Variants in TRIM25 observed in about 807,000 individuals in gnomAD.
TRIM25 encodes the protein tripartite motif containing 25.
In TRIM25, 45 loss-of-function variants were observed where a neutral mutation model predicts 65.2. The ratio of observed to expected loss-of-function variants is 0.69; its 90% confidence interval spans 0.54 to 0.89. The LOEUF is 0.89. TRIM25 is among the 40% of genes least tolerant of loss of function. TRIM25 has a pLI of 0.00. For synonymous variants in TRIM25, 321 were observed against 340.4 expected, an observed-to-expected ratio of 0.94 and a Z score of 0.63; for missense variants, 714 against 803.7, an observed-to-expected ratio of 0.89 and a Z score of 1.35.
rs61731983 is a variant in TRIM25 at position 56,913,436 on chromosome 17, T to C, written c.553A>G (p.Thr185Ala). Residue 185 changes from threonine to alanine, a missense_variant, in exon 1 of 9, where the codon ACC (threonine) becomes GCC (alanine). Coordinates refer to ENST00000316881, the MANE Select transcript of TRIM25 (RefSeq NM_005082.5). This position sits in a 1 kb window ranked among gnomAD's most constrained non-coding sequence, Gnocchi z 6.1. ...TGGCTCAGGGACGCGGGAGAGCAGGTCTTATGCTCCACCAGGCAGATGTGG... is the reference window on the plus strand; with the variant it reads ...TGGCTCAGGGACGCGGGAGAGCAGGCCTTATGCTCCACCAGGCAGATGTGG... Reference protein sequence around the residue: ...ICHICLVEHKTCSPASLSQAS... With the variant: ...ICHICLVEHKACSPASLSQAS... 8,714 of 1,602,176 alleles carry C rather than the reference T, an allele frequency of 5.4e-3. 427 individuals carry two copies. The African/African-American group carries it at 0.1, about 19-fold the overall frequency.
intron 2 of TRIM25, among the ~76,000 whole-genome samples, chr17:56,906,291 G>A (rs1909518357): frequency 6.6e-6 from 1 of 152,208 alleles, no homozygotes; most frequent in Admixed American, 6.5e-5. Flanking sequence ...CTCACCAGAT[G>A]CTGGAAGCAT....
At chr17:56,895,209 G>A (rs1036451585) in intron 8 of TRIM25, 134 bp downstream of exon 8, 1 of 650,648 alleles carries the variant, frequency 1.5e-6, no homozygotes, top group African/African-American at 1.8e-5. Context: ...AGAAAATAAG[G>A]GAGCAACAAA....
In TRIM25 at chr17:56,901,501, T is replaced by C. The variant is rs765847386; in HGVS notation, c.1005A>G (p.Lys335=). 1 of 1,614,156 alleles carries C rather than the reference T, an allele frequency of 6.2e-7. No individual in the cohort carries two copies. Among genetic ancestry groups the C allele is most frequent in the East Asian group, 2.2e-5 (1 of 44,870 alleles). The part of the protein sequence containing the change: ...PEVELNHKLI[K]GIHQSTIDLK... ...GGTCTATGGTGCTCTGGTGGATGCC[T>C]TTTATCAGCTTGTGGTTCAGTTCCA... Residue 335 remains lysine (K), a synonymous_variant, in exon 4 of 9, where the codon AAA becomes AAG. Transcript: ENST00000316881.
Position 56,895,823 on chromosome 17 carries a change from CA to C in TRIM25, c.1180+102del. The C allele has an allele frequency of 2.1e-6, 3 of 1,439,514 alleles. No individual in the cohort carries two copies. The South Asian group carries it at 3.8e-5, about 18-fold the overall frequency. 89.2% of individuals were successfully genotyped at this position (1,439,514 alleles called of 1,614,324 possible). A position where few individuals can be genotyped will look rare whatever the true frequency, so the allele number is the denominator to read the frequency against. On this transcript the variant is annotated intron_variant, in intron 6 of 8. Coordinates refer to ENST00000316881, the MANE Select transcript of TRIM25 (RefSeq NM_005082.5). ...TTACAGAATGGAATCATATAGAACC[CA>C]TCACAGAACCCTGATGAGAGAGGTC...
At chr17:56,910,233 C>T (rs1295901645) in intron 1 of TRIM25, among the ~76,000 whole-genome samples, 1 of 152,192 alleles carries the variant, frequency 6.6e-6, no homozygotes, top group Non-Finnish European at 1.5e-5. Context: ...CCAGACTCTT[C>T]AACTCCACCC....
chr17:56,912,223 G>C (rs1567843505), intron 1 of TRIM25: 1 of 152,206 alleles, frequency 6.6e-6, no homozygotes, highest in East Asian at 1.9e-4. Context: ...TGTAACAAAA[G>C]GTGGTTTGAT....
In TRIM25 at chr17:56,899,190, A is replaced by C. The variant is rs1443488784; in HGVS notation, c.1088-10T>G. On this transcript the variant is annotated splice_polypyrimidine_tract_variant and intron_variant, in intron 4 of 8. Coordinates refer to ENST00000316881, the MANE Select transcript of TRIM25 (RefSeq NM_005082.5). ...TGCTCTCCAGGGTCACCTGTGTCAG[A>C]GAAGAAGGGCTCAGTGTGTGCGGCT... 1.2e-6 allele frequency: 2 copies of C among 1,614,016 alleles called. No homozygotes were observed. Among genetic ancestry groups the C allele is most frequent in the Non-Finnish European group, 1.7e-6 (2 of 1,180,014 alleles).
intron 1 of TRIM25, chr17:56,912,241 T>C (rs1909644489): frequency 6.6e-6 from 1 of 152,222 alleles, no homozygotes; most frequent in Admixed American, 6.5e-5. Context: ...GATTTCAGCC[T>C]CTGCTTTGAG....
Position 56,891,054 on chromosome 17 carries a change from A to C in TRIM25, c.*646T>G. ...AAAAGTTTGCTGTTTGAAAACCATC[A>C]ATGTGGGGGCGATGGGTGTGCAGGG... On this transcript the variant is annotated 3_prime_UTR_variant, in exon 9 of 9. Coordinates refer to ENST00000316881, the MANE Select transcript of TRIM25 (RefSeq NM_005082.5). 2.5e-6 allele frequency: 1 copy of C among 397,186 alleles called. No individual in the cohort carries two copies. The highest frequency in any genetic ancestry group is 5.1e-6 in the Non-Finnish European group (1 of 197,498). 24.6% of individuals were successfully genotyped at this position (397,186 alleles called of 1,614,324 possible).
rs75766625 is a variant in TRIM25 at position 56,910,727 on chromosome 17, G to C, written c.598-2164C>G. On this transcript the variant is annotated intron_variant, in intron 1 of 8. Transcript: ENST00000316881. ...GGCAAAGGACTTTTTGAAATCCTGA[G>C]GATCCCTTCACAGACTAGAGACTTG... is the stretch of plus-strand genomic sequence containing the variant. Among the ~76,000 whole-genome samples the C allele has an allele frequency of 4.7e-3, 709 of 152,304 alleles. 8 individuals are homozygous for C. The highest frequency in any genetic ancestry group is 0.017 in the African/African-American group (688 of 41,556).
At chr17:56,901,179 T>C (rs1304609600) in intron 4 of TRIM25, among the ~76,000 whole-genome samples, 5 of 152,320 alleles carry the variant, frequency 3.3e-5, no homozygotes, top group Admixed American at 6.5e-5. Context: ...AGAGCCTATC[T>C]GTCCAGAAAG....
chr17:56,891,574 CT>C lies in TRIM25; in HGVS notation c.*125del. ...ATCCCACCTCCCACCCTCCCGCCAGCTCCCCTCCCATGCTCCCAATCCTTGG... is the reference window on the plus strand; with the variant it reads ...ATCCCACCTCCCACCCTCCCGCCAGCCCCCTCCCATGCTCCCAATCCTTGG... On this transcript the variant is annotated 3_prime_UTR_variant, in exon 9 of 9. Transcript: ENST00000316881. 4 of 946,892 alleles carry C rather than the reference CT, an allele frequency of 4.2e-6. No individual in the cohort carries two copies. The highest frequency in any genetic ancestry group is 2.8e-5 in the East Asian group (1 of 36,300). 58.7% of individuals were successfully genotyped at this position (946,892 alleles called of 1,614,324 possible).
intron 8 of TRIM25, among the ~76,000 whole-genome samples, chr17:56,893,412 C>T (rs1051742333): frequency 2.0e-5 from 3 of 152,308 alleles, no homozygotes; most frequent in East Asian, 1.9e-4. Context: ...CCGCTAGCAG[C>T]TTGGGCAAGA....
chr17:56,899,633 C>T (rs573304071), intron 4 of TRIM25, among the ~76,000 whole-genome samples: 1 of 152,338 alleles, frequency 6.6e-6, no homozygotes. Context: ...CGCAGCACTT[C>T]CACAATGGGG....
At chr17:56,896,957 G>C (rs1388746595) in intron 5 of TRIM25, among the ~76,000 whole-genome samples, 1 of 151,656 alleles carries the variant, frequency 6.6e-6, no homozygotes, top group Non-Finnish European at 1.5e-5. Context: ...AAAAAAAATT[G>C]TTTTAATTAG....
chr17:56,898,383 A>G (rs1397470880), intron 5 of TRIM25, among the ~76,000 whole-genome samples: 1 of 152,072 alleles, frequency 6.6e-6, no homozygotes, highest in Non-Finnish European at 1.5e-5. Flanking sequence ...GAGCTCTCAC[A>G]ATCAGTGTCC....
At chr17:56,896,377 C>T (rs1029297086) in intron 5 of TRIM25, among the ~76,000 whole-genome samples, 7 of 148,938 alleles carry the variant, frequency 4.7e-5, no homozygotes, top group Non-Finnish European at 7.4e-5. Flanking sequence ...AAGGGCTGGG[C>T]GCATGGTGGC....
At position 56,892,084 on chromosome 17, in the gene TRIM25, G is replaced by A. The variant is rs1909186439; in HGVS notation, c.1509C>T (p.Gly503=). 2 of 1,614,186 alleles carry A rather than the reference G, an allele frequency of 1.2e-6. No homozygotes were observed. The highest frequency in any genetic ancestry group is 1.1e-5 in the South Asian group (1 of 91,084). Residue 503 remains glycine, a synonymous_variant, in exon 9 of 9, where the codon GGC becomes GGT. Transcript: ENST00000316881. ...QRFTYCSQVL[G]LHCYKKGIHY... is the part of the protein sequence containing the mutation. ...GGATCCCCTTCTTGTAGCAGTGCAG[G>A]CCCAGCACCTGAGAGCAGTATGTGA... is the stretch of plus-strand genomic sequence containing the variant.
chr17:56,901,671 C>T (rs1456359483), intron 3 of TRIM25, 93 bp from the exon 4 acceptor site: 8 of 1,512,606 alleles, frequency 5.3e-6, no homozygotes, highest in East Asian at 4.5e-5. Context: ...TCCCCTATGC[C>T]CAAGAGTGCT....
Sources: gnomAD v4.1 joint callset for allele counts (sites outside exome capture counted in the v4.1 genomes callset) on GRCh38, gnomAD v4.1.1 for gene constraint, Gnocchi (gnomAD v3.1) non-coding constraint, MANE v1.5 for transcripts, NCBI Gene and HGNC (gene_info 2026-07-23, HGNC 2026-07-21) for gene names.